Variants in PRELID2 observed in about 807,000 individuals in gnomAD.
The protein encoded by PRELID2 is PRELI domain containing 2, also known as PRELI domain-containing protein 2.
A neutral mutation model predicts 28.4 loss-of-function variants in PRELID2; 25 were observed. That is an observed-to-expected ratio of 0.88 (90% confidence interval 0.64 to 1.23). The LOEUF (loss-of-function observed/expected upper bound fraction) is 1.23, where lower values mean the gene tolerates loss of function less well. Among genes scored for constraint, PRELID2 ranks in the 50% most tolerant of loss-of-function variants. The pLI is 0.00. For synonymous variants in PRELID2, 76 were observed against 71.6 expected (o/e 1.06, Z -0.31); for missense variants, 201 against 214.4 (o/e 0.94, Z 0.39).
chr5:145,764,697 TA>T (rs1757638791), intron 6 of PRELID2, among the ~76,000 whole-genome samples: 2 of 152,336 alleles, frequency 1.3e-5, no homozygotes, highest in African/African-American at 4.8e-5. Context: ...GCAACAGTTT[TA>T]ACAATTTGAA....
chr5:145,623,531 A>G (rs1364449151), intron 1 of PRELID2, among the ~76,000 whole-genome samples: 1 of 152,188 alleles, frequency 6.6e-6, no homozygotes, highest in Non-Finnish European at 1.5e-5. Context: ...ACACAGACTT[A>G]GACAAACTGA....
intron 1 of PRELID2, among the ~76,000 whole-genome samples, chr5:145,672,138 T>C (rs1435733130): frequency 6.6e-6 from 1 of 152,168 alleles, no homozygotes; most frequent in Non-Finnish European, 1.5e-5. Context: ...CCAAGCCCTA[T>C]AACATCCCCT....
intron 1 of PRELID2, among the ~76,000 whole-genome samples, chr5:145,832,789 ACAC>A (rs1434568050): frequency 4.6e-5 from 7 of 151,850 alleles, no homozygotes; most frequent in South Asian, 4.1e-4. Flanking sequence ...CACACCACAC[ACAC>A]CACACCACAC....
At chr5:145,322,906 G>A in the PRELID2 span, among the ~76,000 whole-genome samples, 12 of 152,168 alleles carry the variant, frequency 7.9e-5, no homozygotes, top group East Asian at 1.9e-4. Context: ...GTTTGAACCC[G>A]GAAGGCGGAG....
At chr5:145,482,133 G>A (rs1280971651) in intron 1 of PRELID2, among the ~76,000 whole-genome samples, 1 of 152,078 alleles carries the variant, frequency 6.6e-6, no homozygotes, top group African/African-American at 2.4e-5. Context: ...TCATGTAGCT[G>A]TTGTGCTATG....
the PRELID2 span, among the ~76,000 whole-genome samples, chr5:145,251,618 C>A: frequency 6.6e-6 from 1 of 152,100 alleles, no homozygotes; most frequent in African/African-American, 2.4e-5. Context: ...CAATACTCCC[C>A]ATAGTCTTTT....
intron 1 of PRELID2, among the ~76,000 whole-genome samples, chr5:145,622,027 A>G (rs1387265853): frequency 6.6e-6 from 1 of 152,198 alleles, no homozygotes; most frequent in Non-Finnish European, 1.5e-5. Flanking sequence ...TACAACATGG[A>G]TAAACCTGGA....
At chr5:145,663,457 ACAAGCTGTAAGG>A (rs1754531618) in intron 1 of PRELID2, among the ~76,000 whole-genome samples, 2 of 152,308 alleles carry the variant, frequency 1.3e-5, no homozygotes, top group South Asian at 2.1e-4. Flanking sequence ...GTTTTGTGGT[ACAAGCTGTAAGG>A]CAGCAGGAAT....
At chr5:145,543,493 G>A (rs1239788835) in intron 1 of PRELID2, among the ~76,000 whole-genome samples, 2 of 151,978 alleles carry the variant, frequency 1.3e-5, no homozygotes, top group African/African-American at 4.8e-5. Flanking sequence ...ATTCCTAAAT[G>A]TTTATTGATA....
intron 1 of PRELID2, among the ~76,000 whole-genome samples, chr5:145,751,095 T>C (rs1347566035): frequency 6.6e-6 from 1 of 152,210 alleles, no homozygotes; most frequent in Non-Finnish European, 1.5e-5. Context: ...AAACAGCGTT[T>C]CCCAAACACA....
downstream of PRELID2, among the ~76,000 whole-genome samples, chr5:145,756,038 G>A (rs76235789): frequency 0.055 from 8,447 of 152,208 alleles, 436 homozygotes; most frequent in African/African-American, 0.14. Flanking sequence ...TTCACCCTTT[G>A]GAAACACCTG....
At chr5:145,818,166 T>C in intron 3 of PRELID2, 112 bp from the exon 4 acceptor site, 7 of 1,082,364 alleles carry the variant, frequency 6.5e-6, no homozygotes, top group Non-Finnish European at 9.3e-6. Flanking sequence ...GTAATCCTGA[T>C]ACATGGATGA....
At chr5:145,731,285 C>T (rs1271169453) in intron 1 of PRELID2, among the ~76,000 whole-genome samples, 1 of 152,148 alleles carries the variant, frequency 6.6e-6, no homozygotes, top group Non-Finnish European at 1.5e-5. Flanking sequence ...AGCTATGGAC[C>T]AAGGCAAATG....
chr5:145,741,621 AAT>A (rs1323470660), intron 1 of PRELID2, among the ~76,000 whole-genome samples: 339 of 16,786 alleles, frequency 0.02, 9 homozygotes, highest in Non-Finnish European at 0.035. Context: ...TTTATATATA[AAT>A]AATTTATTTA....
the PRELID2 span, among the ~76,000 whole-genome samples, chr5:145,463,446 T>G: frequency 6.6e-6 from 1 of 152,040 alleles, no homozygotes; most frequent in Non-Finnish European, 1.5e-5. Flanking sequence ...CACTTTCATT[T>G]TTAATTAATT....
At position 145,546,902 on chromosome 5, in the gene PRELID2, A is replaced by C. The variant is rs377697263; in HGVS notation, n.71-73587T>G. ...GCTTAGCTTCATGGTTAAGAGGACA[A>C]GTTTTGTGATCTGGAGCAAGTTCAT... On this transcript the variant is annotated intron_variant and non_coding_transcript_variant, in intron 1 of 2. Transcript: ENST00000510259. Among the ~76,000 whole-genome samples, 5 of 152,312 alleles carry C rather than the reference A, an allele frequency of 3.3e-5. No individual in the cohort carries two copies. In the South Asian group the frequency reaches 1.0e-3, roughly 32 times the overall value.
intron 4 of PRELID2, among the ~76,000 whole-genome samples, chr5:145,801,888 T>C (rs1753165035): frequency 6.6e-6 from 1 of 152,208 alleles, no homozygotes; most frequent in South Asian, 2.1e-4. Flanking sequence ...TCCATGTTAC[T>C]CTCTTCCTTG....
chr5:145,707,906 G>A (rs872567), intron 1 of PRELID2, among the ~76,000 whole-genome samples: 8,143 of 152,168 alleles, frequency 0.054, 380 homozygotes, highest in African/African-American at 0.12. Context: ...AGCATGCTGC[G>A]TGACCTCAGC....
At chr5:145,599,391 C>T (rs1371634527) in intron 1 of PRELID2, among the ~76,000 whole-genome samples, 1 of 151,162 alleles carries the variant, frequency 6.6e-6, no homozygotes, top group Non-Finnish European at 1.5e-5. Flanking sequence ...ACCACAAACC[C>T]TTAGGAGGCT....
Sources: gnomAD v4.1 joint callset for allele counts (sites outside exome capture counted in the v4.1 genomes callset) on GRCh38, gnomAD v4.1.1 for gene constraint, MANE v1.5 for transcripts, NCBI Gene and HGNC (gene_info 2026-07-23, HGNC 2026-07-21) for gene names.